MEI1: variants seen among roughly 807,000 people sequenced by gnomAD.
MEI1 encodes meiosis inhibitor protein 1.
MEI1 carries 103 observed loss-of-function variants against 146.2 expected under a neutral mutation model. That is an observed-to-expected ratio of 0.70 (90% CI 0.60 to 0.83). MEI1 has a LOEUF of 0.83. Among genes scored for constraint, MEI1 ranks in the 40% least tolerant of loss-of-function variants. MEI1 has a pLI of 0.00. For missense variants in MEI1, 1,529 were observed against 1,533.0 expected, an observed-to-expected ratio of 1.00 and a Z score of 0.04; for synonymous variants, 652 against 628.2, an observed-to-expected ratio of 1.04 and a Z score of -0.57.
intron 26 of MEI1, among the ~76,000 whole-genome samples, chr22:41,786,795 A>C (rs1314968129): frequency 6.6e-6 from 1 of 152,200 alleles, no homozygotes; most frequent in Non-Finnish European, 1.5e-5. Context: ...CAGAAGAAGG[A>C]GGGGATCCAG....
rs370619671 is a variant in MEI1 at position 41,778,739 on chromosome 22, C to T, written c.2742C>T (p.Leu914=). The change falls in exon 22 of 31, where the codon CTC becomes CTT. Residue 914 remains leucine (L), a synonymous_variant. Coordinates refer to ENST00000401548, the MANE Select transcript of MEI1 (RefSeq NM_152513.4). The stretch of plus-strand genomic sequence containing the variant: ...GGAACCTACCATTGCTGCTGAGCCT[C>T]CTCTCCCTGATGCAGCTCAGGAATG... The part of the protein sequence containing the change: ...ASGNLPLLLS[L]LSLMQLRNVS... The T allele has an allele frequency of 1.2e-4, 200 of 1,608,538 alleles. No individual in the cohort carries two copies. The highest frequency in any genetic ancestry group is 8.1e-4 in the Admixed American group (48 of 59,270).
chr22:41,754,764 A>G (rs184353283), intron 17 of MEI1, among the ~76,000 whole-genome samples: 3 of 152,120 alleles, frequency 2.0e-5, no homozygotes, highest in Non-Finnish European at 4.4e-5. Context: ...TGTGTGTCAG[A>G]CTCCATTCCA....
intron 26 of MEI1, among the ~76,000 whole-genome samples, chr22:41,785,121 G>A (rs1372403282): frequency 6.6e-6 from 1 of 150,864 alleles, no homozygotes; most frequent in African/African-American, 2.4e-5. Context: ...ATTTTTAGTA[G>A]AGACGGGGTT....
At chr22:41,702,954 G>A (rs1194492298) in intron 1 of MEI1, among the ~76,000 whole-genome samples, 2 of 152,068 alleles carry the variant, frequency 1.3e-5, no homozygotes, top group Admixed American at 6.6e-5. Flanking sequence ...TCTTGAGCTC[G>A]TGATACGCCC....
At position 41,799,319 on chromosome 22, in the gene MEI1, C is replaced by G; in HGVS notation, c.*20C>G. The G allele has an allele frequency of 6.2e-7, 1 of 1,612,520 alleles. No homozygotes were observed. The highest frequency in any genetic ancestry group is 8.5e-7 in the Non-Finnish European group (1 of 1,178,948). ...AACTGATCCTCAGGACTTGAAGGCC[C>G]AGAAGTGGAGAGAGAATGAGACCTG... On this transcript the variant is annotated 3_prime_UTR_variant, in exon 31 of 31. Transcript: ENST00000401548.
At chr22:41,782,160 A>C (rs543042254) in intron 24 of MEI1, among the ~76,000 whole-genome samples, 1 of 152,220 alleles carries the variant, frequency 6.6e-6, no homozygotes, top group African/African-American at 2.4e-5. Context: ...TAAGGATAAG[A>C]TTGTACTCAG....
chr22:41,713,925 T>A (rs533719636), intron 3 of MEI1, 77 bp from the exon 4 acceptor site: 1 of 1,201,282 alleles, frequency 8.3e-7, no homozygotes, highest in African/African-American at 1.5e-5. Context: ...CCTGCACTGA[T>A]TGAGTAGAAG....
chr22:41,734,386 A>G lies in MEI1; in HGVS notation c.1331+1783A>G, dbSNP rs537862852. On this transcript the variant is annotated intron_variant, in intron 11 of 30. Coordinates refer to ENST00000401548, the MANE Select transcript of MEI1 (RefSeq NM_152513.4). ...GGCGGGCCAATTACCTGAAGTCAGG[A>G]GTTCAAGACCAGCCTGGCCAAGATG... Among the ~76,000 whole-genome samples the G allele has an allele frequency of 4.6e-5, 7 of 152,214 alleles. No homozygotes were observed. The South Asian group carries it at 8.3e-4, about 18-fold the overall frequency.
intron 11 of MEI1, among the ~76,000 whole-genome samples, chr22:41,733,876 C>T (rs915666264): frequency 6.6e-6 from 1 of 151,986 alleles, no homozygotes; most frequent in African/African-American, 2.4e-5. Flanking sequence ...CCTATAATCC[C>T]AGCACTTTGG....
At chr22:41,798,280 TAAGA>T (rs1169161106) in intron 30 of MEI1, among the ~76,000 whole-genome samples, 2 of 152,038 alleles carry the variant, frequency 1.3e-5, no homozygotes, top group South Asian at 2.1e-4. Flanking sequence ...TCCATGTTCT[TAAGA>T]AAGCTTGGAT....
At chr22:41,793,966 A>G (rs769786970) in intron 27 of MEI1, 56 bp downstream of exon 27, 38 of 1,443,990 alleles carry the variant, frequency 2.6e-5, no homozygotes, top group Non-Finnish European at 3.5e-5. Flanking sequence ...AGGGAGCAAC[A>G]CCCTTCCACC....
rs368987601 is a variant in MEI1, at chr22:41,771,211, G to A, written c.2544+250G>A. 1.3e-3 allele frequency among the ~76,000 whole-genome samples: 195 copies of A among 152,168 alleles called. 2 individuals are homozygous for A. The highest frequency in any genetic ancestry group is 4.5e-3 in the African/African-American group (186 of 41,508). ...AGATGTGTGCCTCTCTTCCCCCCAG[G>A]GGATGACACTATGAAATGCAGATCT... On this transcript the variant is annotated intron_variant, in intron 20 of 30. Coordinates refer to ENST00000401548, the MANE Select transcript of MEI1 (RefSeq NM_152513.4).
rs73885813 is a variant in MEI1, at chr22:41,774,670, T to C, written c.2545-1432T>C. On this transcript the variant is annotated intron_variant, in intron 20 of 30. Transcript: ENST00000401548. ...TTACAACTTTATTACTTTCTTGATATGCAAACTGATTAACCTGCCCCAGTT... is the reference window on the plus strand; with the variant it reads ...TTACAACTTTATTACTTTCTTGATACGCAAACTGATTAACCTGCCCCAGTT... Among the ~76,000 whole-genome samples, 1,101 of 152,332 alleles carry C rather than the reference T, an allele frequency of 7.2e-3. 19 individuals are homozygous for C. Among genetic ancestry groups the C allele is most frequent in the African/African-American group, 0.025 (1,055 of 41,576 alleles).
chr22:41,799,254 CT>C lies in MEI1; in HGVS notation c.3781del (p.Cys1261AlafsTer35). ...TTTTCCTCTCATGTTTTGCTGCCAG[CT>C]GCCTGGGAGGGGTGGCTGTATCCCT... ...SGQPPLQDML[C>X]LGGVAVSLSH... On this transcript the variant is annotated frameshift_variant and splice_region_variant, in exon 31 of 31. Transcript: ENST00000401548. LOFTEE classifies it high-confidence loss of function. 6.2e-7 allele frequency: 1 copy of C among 1,613,246 alleles called. No individual in the cohort carries two copies. The highest frequency in any genetic ancestry group is 8.5e-7 in the Non-Finnish European group (1 of 1,179,414).
At chr22:41,721,188 T>G (rs1172963764) in intron 6 of MEI1, among the ~76,000 whole-genome samples, 1 of 149,088 alleles carries the variant, frequency 6.7e-6, no homozygotes, top group Non-Finnish European at 1.5e-5. Flanking sequence ...TATGTCCGCC[T>G]CGGCCTCCCA....
chr22:41,699,640 C>G lies in MEI1; in HGVS notation c.102C>G (p.Arg34=). The G allele has an allele frequency of 1.2e-6, 2 of 1,602,356 alleles. No individual in the cohort carries two copies. Among genetic ancestry groups the G allele is most frequent in the Non-Finnish European group, 1.7e-6 (2 of 1,174,890 alleles). Reference sequence around the variant, plus strand: ...GGGCCCATTACCGGCACGACCCGCGCTGGCTGCTGCCCGTGACCCCCCGCC... The same window carrying G: ...GGGCCCATTACCGGCACGACCCGCGGTGGCTGCTGCCCGTGACCCCCCGCC... The part of the protein sequence containing the change: ...FERAHYRHDP[R]WLLPVTPRLC... The change falls in exon 1 of 31, where the codon CGC becomes CGG. Residue 34 remains arginine, a synonymous_variant. Transcript: ENST00000401548.
At chr22:41,778,557 A>G in intron 21 of MEI1, 151 bp from the exon 22 acceptor site, 2 of 604,036 alleles carry the variant, frequency 3.3e-6, no homozygotes, top group Non-Finnish European at 5.9e-6. Context: ...TGAAGAAAGA[A>G]ATAGGAGTAA....
At chr22:41,712,902 A>T (rs2069730693) in intron 3 of MEI1, among the ~76,000 whole-genome samples, 1 of 144,590 alleles carries the variant, frequency 6.9e-6, no homozygotes. Context: ...TCCACCTCCC[A>T]GATTCATGCC....
intron 26 of MEI1, among the ~76,000 whole-genome samples, chr22:41,785,730 A>G (rs1410994386): frequency 6.7e-6 from 1 of 148,294 alleles, no homozygotes; most frequent in Admixed American, 6.7e-5. Context: ...TGCCCGGCTA[A>G]TTTTTGTATT....
Sources: allele counts gnomAD v4.1 joint callset (sites outside exome capture counted in the v4.1 genomes callset), GRCh38; gene constraint gnomAD v4.1.1; transcripts MANE v1.5; gene names NCBI Gene and HGNC (gene_info 2026-07-23, HGNC 2026-07-21).